Variants in CYFIP2 observed in about 807,000 individuals in gnomAD.
CYFIP2 encodes cytoplasmic FMR1 interacting protein 2, also known as cytoplasmic FMR1-interacting protein 2.
CYFIP2 carries 29 observed loss-of-function variants against 158.7 expected under a neutral mutation model. The ratio of observed to expected loss-of-function variants is 0.18; its 90% CI spans 0.14 to 0.25. The LOEUF is 0.25. Ranked by LOEUF, CYFIP2 falls within the 10% of genes least tolerant of loss-of-function variation. The probability of loss-of-function intolerance (pLI) is 1.00; values close to 1 mark genes in which losing one functional copy is unlikely to be tolerated. For synonymous variants in CYFIP2, 585 were observed against 617.6 expected (o/e 0.95, Z 0.78); for missense variants, 852 against 1,639.5 (o/e 0.52, Z 8.29).
intron 5 of CYFIP2, 22 bp downstream of exon 5, chr5:157,296,796 T>C (rs1752999509): frequency 6.3e-7 from 1 of 1,595,042 alleles, no homozygotes. Flanking sequence ...GGGGCAGGTC[T>C]GCATCTGGAG....
At chr5:157,381,428 G>A (rs1001534044) in intron 26 of CYFIP2, among the ~76,000 whole-genome samples, 4 of 151,332 alleles carry the variant, frequency 2.6e-5, no homozygotes, top group Non-Finnish European at 5.9e-5. Flanking sequence ...TCAGGAGGCT[G>A]AGGCAGGAGT....
At chr5:157,319,238 C>A (rs886272497) in intron 13 of CYFIP2, among the ~76,000 whole-genome samples, 2 of 152,180 alleles carry the variant, frequency 1.3e-5, no homozygotes, top group African/African-American at 2.4e-5. Context: ...CATTCTCCCC[C>A]ATGACTTCTG....
chr5:157,270,927 TG>T (rs1242833236), intron 1 of CYFIP2, among the ~76,000 whole-genome samples: 2 of 152,212 alleles, frequency 1.3e-5, no homozygotes, highest in Non-Finnish European at 2.9e-5. Context: ...CTGGTTGCTA[TG>T]GGTCAAACTC....
chr5:157,339,324 C>A (rs922273393), intron 22 of CYFIP2, 68 bp downstream of exon 22: 22 of 1,417,412 alleles, frequency 1.6e-5, no homozygotes, highest in Non-Finnish European at 2.2e-5. Flanking sequence ...CTCCTCCAAA[C>A]TAGGCCCAGT....
intron 26 of CYFIP2, among the ~76,000 whole-genome samples, chr5:157,374,175 G>T (rs1445016588): frequency 6.6e-6 from 1 of 152,126 alleles, no homozygotes; most frequent in East Asian, 1.9e-4. Context: ...ACCTGAATTG[G>T]TGTCAGAATC....
chr5:157,315,532 G>A (rs1760070107), intron 13 of CYFIP2, among the ~76,000 whole-genome samples: 1 of 152,210 alleles, frequency 6.6e-6, no homozygotes, highest in Non-Finnish European at 1.5e-5. Flanking sequence ...CATGTCTTTA[G>A]TGGTCAGTCT....
intron 19 of CYFIP2, among the ~76,000 whole-genome samples, chr5:157,330,141 C>G (rs1561733930): frequency 6.6e-6 from 1 of 152,090 alleles, no homozygotes; most frequent in South Asian, 2.1e-4. Context: ...TCCAAATGAT[C>G]CCATTTTCTT....
intron 1 of CYFIP2, among the ~76,000 whole-genome samples, chr5:157,283,545 G>A (rs1350700290): frequency 6.6e-6 from 1 of 152,144 alleles, no homozygotes; most frequent in Non-Finnish European, 1.5e-5. Context: ...GGTGTGGAGA[G>A]GACCTGAAAC....
rs928710569 is a variant in CYFIP2, at chr5:157,349,021, TCCACCCACCTTGG to T, written c.2673+7867_2673+7879del. 9.3e-5 allele frequency among the ~76,000 whole-genome samples: 14 copies of T among 151,242 alleles called. No individual in the cohort carries two copies. In the East Asian group the frequency reaches 2.3e-3, roughly 25 times the overall value. ...GTCTCGAACTCCTGGGCTCAAGCAA[TCCACCCACCTTGG>T]CCTCCCAAAGTACTGGGACTACAGG... On this transcript the variant is annotated intron_variant, in intron 23 of 30. Transcript: ENST00000620254.
intron 15 of CYFIP2, 111 bp downstream of exon 15, chr5:157,320,913 G>T: frequency 1.5e-6 from 2 of 1,344,626 alleles, no homozygotes; most frequent in Non-Finnish European, 2.0e-6. Context: ...CGGTCAGGAG[G>T]GGCAGGGTTG....
intron 16 of CYFIP2, among the ~76,000 whole-genome samples, chr5:157,325,179 G>T (rs1452505595): frequency 6.6e-6 from 1 of 151,950 alleles, no homozygotes; most frequent in Non-Finnish European, 1.5e-5. Flanking sequence ...GGTTTTGTAG[G>T]AGAGTGATGG....
chr5:157,364,105 G>C (rs1764113523), intron 26 of CYFIP2: 1 of 147,034 alleles, frequency 6.8e-6, no homozygotes, highest in Admixed American at 7.2e-5. Flanking sequence ...GCAGACCCAG[G>C]TTGCTATAGC....
At position 157,389,169 on chromosome 5, in the gene CYFIP2, A is replaced by G. The variant is rs555196068; in HGVS notation, c.3208-20A>G. 4 of 1,584,384 alleles carry G rather than the reference A, an allele frequency of 2.5e-6. No individual in the cohort carries two copies. The highest frequency in any genetic ancestry group is 1.7e-5 in the Admixed American group (1 of 58,896). ...GCTCTAAGATGTGGATAGAAGGTGT[A>G]TGTGCCCTTCTGTTTCCAGCAAATC... On this transcript the variant is annotated intron_variant, in intron 28 of 30. Coordinates refer to ENST00000620254, the MANE Select transcript of CYFIP2 (RefSeq NM_001037333.3).
At position 157,313,286 on chromosome 5, in the gene CYFIP2, A is replaced by G. The variant is rs182002831; in HGVS notation, c.1111-1058A>G. On this transcript the variant is annotated intron_variant, in intron 11 of 30. Transcript: ENST00000620254. ...CTTCTGTTTAAAGACACTTGATGTG[A>G]TCTCTGTTGTTGATTCATTAACGCA... 9.9e-4 allele frequency among the ~76,000 whole-genome samples: 151 copies of G among 152,338 alleles called. 1 individual carries two copies. The highest frequency in any genetic ancestry group is 3.4e-3 in the African/African-American group (140 of 41,580).
At chr5:157,301,254 A>G (rs995751546) in intron 6 of CYFIP2, among the ~76,000 whole-genome samples, 2 of 152,226 alleles carry the variant, frequency 1.3e-5, no homozygotes, top group Non-Finnish European at 1.5e-5. Flanking sequence ...CATAAAGCCA[A>G]TTCAAACAGT....
chr5:157,350,357 C>A (rs543935006), intron 23 of CYFIP2, among the ~76,000 whole-genome samples: 3 of 152,282 alleles, frequency 2.0e-5, no homozygotes, highest in African/African-American at 7.2e-5. Flanking sequence ...CCAATTATCC[C>A]AGCACCATTT....
chr5:157,349,738 G>A (rs1355201090), intron 23 of CYFIP2, among the ~76,000 whole-genome samples: 6 of 152,282 alleles, frequency 3.9e-5, no homozygotes, highest in East Asian at 1.9e-4. Flanking sequence ...CACCAGCAGC[G>A]TAAAAGTGTT....
chr5:157,298,343 T>C (rs901439116), intron 5 of CYFIP2, among the ~76,000 whole-genome samples: 2 of 152,066 alleles, frequency 1.3e-5, no homozygotes, highest in East Asian at 3.8e-4. Context: ...TTTATTTATT[T>C]ATTTTTGAGA....
intron 1 of CYFIP2, among the ~76,000 whole-genome samples, chr5:157,267,405 C>T (rs371246587): frequency 7.8e-4 from 119 of 152,302 alleles, no homozygotes; most frequent in African/African-American, 2.6e-3. Context: ...TGGATACAGG[C>T]TGTGCCAGCA....
Sources: allele counts gnomAD v4.1 joint callset (sites outside exome capture counted in the v4.1 genomes callset), GRCh38; gene constraint gnomAD v4.1.1; transcripts MANE v1.5; gene names NCBI Gene and HGNC (gene_info 2026-07-23, HGNC 2026-07-21).